The following PSMB7 variants were observed in gnomAD, a reference collection of about 807,000 sequenced individuals.
PSMB7 encodes proteasome 20S subunit beta 7.
Under a neutral mutation model 28.1 loss-of-function variants are expected in PSMB7, and 5 were observed. The ratio of observed to expected loss-of-function variants is 0.18; its 90% CI spans 0.09 to 0.37. The LOEUF is 0.37. Ranked by LOEUF, PSMB7 falls within the 10% of genes least tolerant of loss-of-function variation. PSMB7 has a pLI of 1.00. For synonymous variants in PSMB7, 122 were observed against 123.7 expected, an observed-to-expected ratio of 0.99 and a Z score of 0.09; for missense variants, 275 against 346.2, an observed-to-expected ratio of 0.79 and a Z score of 1.63.
chr9:124,393,277 T>C (rs1163133886), intron 5 of PSMB7, among the ~76,000 whole-genome samples: 14 of 152,224 alleles, frequency 9.2e-5, no homozygotes. Flanking sequence ...CATTTCATTA[T>C]AAGTCCTGGC....
intron 7 of PSMB7, among the ~76,000 whole-genome samples, chr9:124,355,769 C>A (rs990322280): frequency 1.4e-4 from 21 of 152,210 alleles, no homozygotes; most frequent in African/African-American, 4.6e-4. Context: ...ACTCCCCAAC[C>A]CCAGTGCCAG....
intron 6 of PSMB7, among the ~76,000 whole-genome samples, chr9:124,380,747 C>G (rs1830655877): frequency 6.6e-6 from 1 of 152,144 alleles, no homozygotes; most frequent in Non-Finnish European, 1.5e-5. Context: ...CCATTGAACT[C>G]TACACTCAAG....
chr9:124,396,247 T>C (rs1037136358), intron 5 of PSMB7, among the ~76,000 whole-genome samples: 2 of 152,186 alleles, frequency 1.3e-5, no homozygotes, highest in Non-Finnish European at 1.5e-5. Flanking sequence ...TATCAAAATA[T>C]CTATACAAAG....
At chr9:124,396,588 A>G (rs1258347516) in intron 5 of PSMB7, among the ~76,000 whole-genome samples, 1 of 152,240 alleles carries the variant, frequency 6.6e-6, no homozygotes, top group Non-Finnish European at 1.5e-5. Context: ...TGGCCCTGGC[A>G]GTGACCCCAA....
chr9:124,363,951 G>A (rs1490494625), intron 6 of PSMB7, among the ~76,000 whole-genome samples: 1 of 152,132 alleles, frequency 6.6e-6, no homozygotes, highest in Non-Finnish European at 1.5e-5. Flanking sequence ...CCTGGACAGC[G>A]GGTCACTCTC....
intron 5 of PSMB7, among the ~76,000 whole-genome samples, chr9:124,387,590 T>A (rs552111158): frequency 6.6e-6 from 1 of 152,178 alleles, no homozygotes; most frequent in Non-Finnish European, 1.5e-5. Context: ...GGCCCCAAAA[T>A]AAACTTGAAA....
chr9:124,361,728 T>C (rs1284585117), intron 6 of PSMB7, among the ~76,000 whole-genome samples: 6 of 152,248 alleles, frequency 3.9e-5, no homozygotes, highest in Non-Finnish European at 7.3e-5. Flanking sequence ...TGCAACATCA[T>C]AGGAGATGGA....
intron 6 of PSMB7, among the ~76,000 whole-genome samples, chr9:124,364,253 G>A (rs1162628602): frequency 6.6e-6 from 1 of 152,148 alleles, no homozygotes; most frequent in Non-Finnish European, 1.5e-5. Flanking sequence ...CTGTGTACAA[G>A]CAGGAGAGTC....
rs746711074 is a variant in PSMB7 at position 124,406,323 on chromosome 9, C to T, written c.396-891G>A. Reference sequence around the variant, plus strand: ...TTCAAGACCAGCCTGGGCAATATGGCGAGACCCTGTCTACAAAAAATACAA... The same window carrying T: ...TTCAAGACCAGCCTGGGCAATATGGTGAGACCCTGTCTACAAAAAATACAA... On this transcript the variant is annotated intron_variant, in intron 4 of 7. Coordinates refer to ENST00000259457, the MANE Select transcript of PSMB7 (RefSeq NM_002799.4). Among the ~76,000 whole-genome samples the T allele has an allele frequency of 2.6e-5, 4 of 151,384 alleles. 1 individual carries two copies. The highest frequency in any genetic ancestry group is 2.6e-4 in the Admixed American group (4 of 15,172).
intron 4 of PSMB7, among the ~76,000 whole-genome samples, chr9:124,411,552 G>C (rs1328739469): frequency 6.6e-6 from 1 of 152,198 alleles, no homozygotes; most frequent in African/African-American, 2.4e-5. Flanking sequence ...TCCAACCCAA[G>C]ACTAAATGCC....
At chr9:124,385,286 G>A (rs538042899) in intron 5 of PSMB7, among the ~76,000 whole-genome samples, 1 of 152,252 alleles carries the variant, frequency 6.6e-6, no homozygotes, top group East Asian at 1.9e-4. Flanking sequence ...TAGACAAAAT[G>A]ACAGACAAAG....
At chr9:124,366,097 A>T (rs570285673) in intron 6 of PSMB7, among the ~76,000 whole-genome samples, 2,930 of 117,178 alleles carry the variant, frequency 0.025, 44 homozygotes, top group Middle Eastern at 0.05. Context: ...TAAAAAAATT[A>T]AAAAAAAATT....
chr9:124,382,547 A>T (rs1830678848), intron 6 of PSMB7, among the ~76,000 whole-genome samples: 1 of 152,134 alleles, frequency 6.6e-6, no homozygotes, highest in Non-Finnish European at 1.5e-5. Context: ...ATTTTCACTG[A>T]TTGTCAGTGT....
chr9:124,370,737 C>T (rs1213925923), intron 6 of PSMB7, among the ~76,000 whole-genome samples: 1 of 152,196 alleles, frequency 6.6e-6, no homozygotes, highest in Non-Finnish European at 1.5e-5. Flanking sequence ...TCACGCCCCC[C>T]AATTCTTGTA....
At chr9:124,412,724 T>C (rs572291993) in intron 3 of PSMB7, among the ~76,000 whole-genome samples, 2 of 152,360 alleles carry the variant, frequency 1.3e-5, no homozygotes, top group Admixed American at 1.3e-4. Flanking sequence ...ATGAAATTAT[T>C]GGTTTCTGTG....
intron 6 of PSMB7, among the ~76,000 whole-genome samples, chr9:124,358,386 G>GT (rs1245299924): frequency 6.6e-6 from 1 of 152,180 alleles, no homozygotes; most frequent in Admixed American, 6.5e-5. Context: ...TATACCCCAG[G>GT]TTTTTTCACT....
chr9:124,370,342 C>G (rs915987023), intron 6 of PSMB7, among the ~76,000 whole-genome samples: 2 of 150,126 alleles, frequency 1.3e-5, no homozygotes, highest in Non-Finnish European at 2.9e-5. Flanking sequence ...AAAACCTACA[C>G]TTGATATAGG....
intron 5 of PSMB7, chr9:124,398,466 C>A (rs761621806): frequency 5.6e-6 from 2 of 359,060 alleles, no homozygotes; most frequent in African/African-American, 2.3e-5. Flanking sequence ...CTCCTCTTCA[C>A]AATGGACTTG....
chr9:124,384,632 G>A lies in PSMB7; in HGVS notation c.536C>T (p.Ala179Val), dbSNP rs1830701421. The change falls in exon 6 of 8, where the codon GCT (alanine) becomes GTT (valine). Residue 179 changes from alanine (A) to valine (V), a missense_variant. Physicochemically the swap from Ala to Val is moderately conservative, Grantham distance 64. Around this residue, in one of 2 missense-constraint regions of PSMB7, gnomAD observed 213 missense variants for 302.4 expected, o/e 0.70. Coordinates refer to ENST00000259457, the MANE Select transcript of PSMB7 (RefSeq NM_002799.4). ...TMGSGSLAAMAVFEDKFRPDM... is the reference protein window; with the variant it reads ...TMGSGSLAAMVVFEDKFRPDM... The stretch of plus-strand genomic sequence containing the variant: ...TGGCCTAAACTTATCTTCAAATACA[G>A]CCATTGCTGCCAAGGAGCCAGAACC... 6.2e-7 allele frequency: 1 copy of A among 1,613,608 alleles called. No individual in the cohort carries two copies. Among genetic ancestry groups the A allele is most frequent in the African/African-American group, 1.3e-5 (1 of 74,900 alleles).
Sources: gnomAD v4.1 joint callset for allele counts (sites outside exome capture counted in the v4.1 genomes callset) on GRCh38, gnomAD v4.1.1 for gene constraint, gnomAD v4.1.1 regional missense constraint, MANE v1.5 for transcripts, NCBI Gene and HGNC (gene_info 2026-07-23, HGNC 2026-07-21) for gene names.